SGCZ: variants seen among roughly 807,000 people sequenced by gnomAD.
SGCZ encodes sarcoglycan zeta, also known as zeta-sarcoglycan.
A neutral mutation model predicts 41.3 loss-of-function variants in SGCZ; 40 were observed. The ratio of observed to expected loss-of-function variants is 0.97; its 90% CI spans 0.75 to 1.26. The LOEUF (loss-of-function observed/expected upper bound fraction) is 1.26. Ranked by LOEUF, SGCZ falls within the 50% of genes most tolerant of loss-of-function variation. The pLI is 0.00. For synonymous variants in SGCZ, 206 were observed against 137.5 expected, an observed-to-expected ratio of 1.50 and a Z score of -3.49; for missense variants, 552 against 369.8, an observed-to-expected ratio of 1.49 and a Z score of -4.04.
intron 1 of SGCZ, among the ~76,000 whole-genome samples, chr8:14,968,796 T>C (rs1408416291): frequency 6.6e-6 from 1 of 152,144 alleles, no homozygotes; most frequent in Non-Finnish European, 1.5e-5. Flanking sequence ...AATTTTGTGA[T>C]TTGACTTGTG....
At chr8:15,208,353 G>C (rs10096949) in intron 1 of SGCZ, among the ~76,000 whole-genome samples, 118,892 of 152,144 alleles carry the variant, frequency 0.78, 46,926 homozygotes, top group Non-Finnish European at 0.83. Flanking sequence ...TCTGACTAAC[G>C]CATCCAAATA....
Position 15,008,086 on chromosome 8 carries a change from G to C in SGCZ, c.39+229499C>G, listed in dbSNP as rs1469712194. ...AAATATCAAAAAAACTACTGTAAAA[G>C]ATCTTTAGTCTAAGTCTTCTTATCA... On this transcript the variant is annotated intron_variant, in intron 1 of 7. Coordinates refer to ENST00000382080, the MANE Select transcript of SGCZ (RefSeq NM_139167.4). Among the ~76,000 whole-genome samples, 94 of 152,170 alleles carry C rather than the reference G, an allele frequency of 6.2e-4. 2 individuals carry two copies. Among genetic ancestry groups the C allele is most frequent in the Non-Finnish European group, 1.3e-4 (9 of 68,016 alleles).
intron 1 of SGCZ, among the ~76,000 whole-genome samples, chr8:14,721,529 T>C (rs980857366): frequency 1.3e-5 from 2 of 152,312 alleles, no homozygotes; most frequent in Middle Eastern, 3.4e-3. Flanking sequence ...CATCGGCCCA[T>C]CAATAAATCC....
chr8:15,117,037 A>G (rs1169585656), intron 1 of SGCZ, among the ~76,000 whole-genome samples: 1 of 152,244 alleles, frequency 6.6e-6, no homozygotes, highest in African/African-American at 2.4e-5. Context: ...TCTTCATATT[A>G]TAACACTGTA....
At chr8:15,090,638 C>G (rs1238406399) in intron 1 of SGCZ, among the ~76,000 whole-genome samples, 2 of 152,156 alleles carry the variant, frequency 1.3e-5, no homozygotes, top group African/African-American at 4.8e-5. Flanking sequence ...ACTGATTAAT[C>G]AAGACTTCCA....
intron 5 of SGCZ, among the ~76,000 whole-genome samples, chr8:14,160,038 G>A (rs7841810): frequency 0.35 from 52,528 of 151,974 alleles, 9,281 homozygotes; most frequent in Middle Eastern, 0.46. Context: ...TCAAACAAAC[G>A]CTAGGGCACT....
At chr8:14,523,899 C>A (rs1361376329) in intron 2 of SGCZ, among the ~76,000 whole-genome samples, 7 of 151,996 alleles carry the variant, frequency 4.6e-5, no homozygotes, top group Non-Finnish European at 7.4e-5. Flanking sequence ...CTTTCTATTG[C>A]TCAGATTAGG....
intron 3 of SGCZ, among the ~76,000 whole-genome samples, chr8:14,272,144 C>G (rs1800087766): frequency 6.6e-6 from 1 of 152,176 alleles, no homozygotes; most frequent in South Asian, 2.1e-4. Flanking sequence ...GCTGGGACTA[C>G]AGGTGCCTGC....
chr8:14,233,091 C>A (rs1314579424), intron 4 of SGCZ, among the ~76,000 whole-genome samples: 1 of 151,764 alleles, frequency 6.6e-6, no homozygotes, highest in African/African-American at 2.4e-5. Context: ...AACAAATAAA[C>A]AAACAAAACA....
intron 4 of SGCZ, among the ~76,000 whole-genome samples, chr8:14,179,463 T>C (rs183474048): frequency 4.7e-4 from 72 of 152,250 alleles, no homozygotes; most frequent in African/African-American, 1.7e-3. Flanking sequence ...CCACAAGGGT[T>C]CCTGCACATC....
intron 2 of SGCZ, among the ~76,000 whole-genome samples, chr8:14,424,506 A>G (rs1799722585): frequency 6.6e-6 from 1 of 152,210 alleles, no homozygotes; most frequent in Admixed American, 6.5e-5. Context: ...ATATTGCAAA[A>G]TATACACAAA....
chr8:14,174,669 C>G (rs533753500), intron 4 of SGCZ, among the ~76,000 whole-genome samples: 1 of 152,018 alleles, frequency 6.6e-6, no homozygotes, highest in Non-Finnish European at 1.5e-5. Flanking sequence ...AATATTTAAC[C>G]TAATACTGAC....
chr8:14,284,474 G>A (rs146837660), intron 3 of SGCZ, among the ~76,000 whole-genome samples: 1 of 152,160 alleles, frequency 6.6e-6, no homozygotes, highest in South Asian at 2.1e-4. Context: ...CATATATCTA[G>A]TTTATCTTTT....
chr8:14,661,179 T>C (rs1279092545), intron 1 of SGCZ, among the ~76,000 whole-genome samples: 1 of 152,140 alleles, frequency 6.6e-6, no homozygotes, highest in Non-Finnish European at 1.5e-5. Flanking sequence ...AGGTAGTTTG[T>C]GCCCCCCGAT....
intron 3 of SGCZ, among the ~76,000 whole-genome samples, chr8:14,291,151 T>C (rs1166356939): frequency 6.6e-6 from 1 of 152,050 alleles, no homozygotes; most frequent in Admixed American, 6.6e-5. Flanking sequence ...AAATAGCGGT[T>C]ACCAGAAAAT....
At chr8:14,819,381 T>G (rs1360722291) in intron 1 of SGCZ, among the ~76,000 whole-genome samples, 2 of 152,186 alleles carry the variant, frequency 1.3e-5, no homozygotes, top group Admixed American at 6.5e-5. Context: ...AGTTTGTTTT[T>G]TCCTTAAGCA....
chr8:14,692,589 G>A (rs1282931918), intron 1 of SGCZ, among the ~76,000 whole-genome samples: 1 of 152,114 alleles, frequency 6.6e-6, no homozygotes, highest in Non-Finnish European at 1.5e-5. Flanking sequence ...TGTCTGTAAA[G>A]CAAACATAAA....
intron 3 of SGCZ, among the ~76,000 whole-genome samples, chr8:14,282,168 A>G (rs1800468397): frequency 6.6e-6 from 1 of 152,128 alleles, no homozygotes; most frequent in Non-Finnish European, 1.5e-5. Flanking sequence ...TGACCTAAAC[A>G]TTATTCATAA....
intron 3 of SGCZ, among the ~76,000 whole-genome samples, chr8:14,323,785 T>A (rs1245007635): frequency 6.6e-6 from 1 of 152,084 alleles, no homozygotes; most frequent in Non-Finnish European, 1.5e-5. Flanking sequence ...AAAAAATTAT[T>A]CAAGACATAT....
Sources: gnomAD v4.1 joint callset for allele counts (sites outside exome capture counted in the v4.1 genomes callset) on GRCh38, gnomAD v4.1.1 for gene constraint, MANE v1.5 for transcripts, NCBI Gene and HGNC (gene_info 2026-07-23, HGNC 2026-07-21) for gene names.